The following PLXDC2 variants were observed in gnomAD, a reference collection of about 807,000 sequenced individuals.
The protein encoded by PLXDC2 is plexin domain containing 2.
In PLXDC2, 40 loss-of-function variants were observed where a neutral mutation model predicts 68.9. The observed-to-expected ratio is 0.58, with a 90% CI of 0.45 to 0.76. The LOEUF is 0.76. PLXDC2 is among the 30% of genes least tolerant of loss of function. The pLI is 0.00. For missense variants in PLXDC2, 644 were observed against 661.9 expected, an observed-to-expected ratio of 0.97 and a Z score of 0.30; for synonymous variants, 243 against 234.2, an observed-to-expected ratio of 1.04 and a Z score of -0.34.
chr10:20,076,525 G>A (rs1836454576), intron 4 of PLXDC2, among the ~76,000 whole-genome samples: 1 of 152,160 alleles, frequency 6.6e-6, no homozygotes, highest in East Asian at 1.9e-4. Context: ...ATGCTACATA[G>A]ATAGCATATG....
intron 13 of PLXDC2, 67 bp downstream of exon 13, chr10:20,245,572 C>T: frequency 6.7e-7 from 1 of 1,483,722 alleles, no homozygotes; most frequent in Non-Finnish European, 9.1e-7. Flanking sequence ...GCTAACACCA[C>T]CTGGATTTAA....
At chr10:19,988,059 A>C (rs112852013) in intron 1 of PLXDC2, among the ~76,000 whole-genome samples, 3,833 of 152,238 alleles carry the variant, frequency 0.025, 155 homozygotes, top group African/African-American at 0.086. Flanking sequence ...TTAGTCATGA[A>C]TAAATGTAAT....
At chr10:20,262,277 C>T (rs115665591) in intron 13 of PLXDC2, among the ~76,000 whole-genome samples, 10 of 152,194 alleles carry the variant, frequency 6.6e-5, no homozygotes, top group Non-Finnish European at 1.0e-4. Flanking sequence ...TAAGGAGTCT[C>T]GTTGCTTATT....
At chr10:20,174,018 C>A (rs776472989) in intron 7 of PLXDC2, among the ~76,000 whole-genome samples, 1 of 152,136 alleles carries the variant, frequency 6.6e-6, no homozygotes, top group African/African-American at 2.4e-5. Flanking sequence ...TTACTCCATA[C>A]GCACGATCAA....
chr10:20,170,443 G>C (rs1430523570), intron 7 of PLXDC2, among the ~76,000 whole-genome samples: 1 of 152,204 alleles, frequency 6.6e-6, no homozygotes, highest in African/African-American at 2.4e-5. Context: ...TCCTGCTTCA[G>C]CCTCCCATAG....
At chr10:20,202,284 G>T (rs1020735761) in intron 9 of PLXDC2, among the ~76,000 whole-genome samples, 4 of 152,120 alleles carry the variant, frequency 2.6e-5, no homozygotes, top group African/African-American at 7.2e-5. Flanking sequence ...AAATATACTT[G>T]CTACTATGGT....
At chr10:19,935,659 A>G (rs1315321277) in intron 1 of PLXDC2, among the ~76,000 whole-genome samples, 1 of 152,238 alleles carries the variant, frequency 6.6e-6, no homozygotes, top group East Asian at 1.9e-4. Context: ...ACACTGATGC[A>G]TTGACCTGCC....
chr10:20,225,886 A>G (rs1157944532), intron 12 of PLXDC2, among the ~76,000 whole-genome samples: 1 of 152,220 alleles, frequency 6.6e-6, no homozygotes, highest in Non-Finnish European at 1.5e-5. Context: ...ATAAATATTA[A>G]GAACCCTCAG....
intron 13 of PLXDC2, among the ~76,000 whole-genome samples, chr10:20,267,432 C>T (rs1391701611): frequency 1.3e-5 from 2 of 152,036 alleles, no homozygotes; most frequent in Non-Finnish European, 2.9e-5. Flanking sequence ...GAAGATAGCA[C>T]CAAGAAGGCA....
At chr10:19,948,650 C>T (rs1431304561) in intron 1 of PLXDC2, among the ~76,000 whole-genome samples, 1 of 151,884 alleles carries the variant, frequency 6.6e-6, no homozygotes, top group East Asian at 1.9e-4. Context: ...TAATGTGATT[C>T]CAGTTTTGTC....
chr10:20,174,806 A>G (rs952622619), intron 7 of PLXDC2, among the ~76,000 whole-genome samples: 1 of 152,084 alleles, frequency 6.6e-6, no homozygotes, highest in Non-Finnish European at 1.5e-5. Flanking sequence ...AAAAAAAGAT[A>G]TGAGTAGAGG....
intron 4 of PLXDC2, among the ~76,000 whole-genome samples, chr10:20,106,910 TA>T (rs1353105307): frequency 1.3e-5 from 2 of 151,624 alleles, no homozygotes; most frequent in East Asian, 1.9e-4. Context: ...ACATGTAGTA[TA>T]AAGGATAAAG....
intron 9 of PLXDC2, among the ~76,000 whole-genome samples, chr10:20,185,003 T>C (rs1008337664): frequency 4.0e-5 from 6 of 151,266 alleles, no homozygotes; most frequent in Non-Finnish European, 5.9e-5. Flanking sequence ...CGTCAGGGGA[T>C]GGGAGGCAAG....
intron 1 of PLXDC2, among the ~76,000 whole-genome samples, chr10:19,969,404 C>A (rs1311830726): frequency 3.3e-5 from 5 of 152,178 alleles, no homozygotes; most frequent in African/African-American, 1.2e-4. Flanking sequence ...GATATTCCAC[C>A]AACCTCCCCC....
chr10:19,852,536 C>T (rs1837141207), intron 1 of PLXDC2, among the ~76,000 whole-genome samples: 1 of 142,488 alleles, frequency 7.0e-6, no homozygotes, highest in Non-Finnish European at 1.5e-5. Context: ...GATTTCAAAT[C>T]ACTGAAAAAT....
intron 6 of PLXDC2, among the ~76,000 whole-genome samples, chr10:20,149,695 G>A (rs1834127373): frequency 6.6e-6 from 1 of 152,042 alleles, no homozygotes; most frequent in African/African-American, 2.4e-5. Flanking sequence ...TCCTGCATTA[G>A]TTTGCTAAGG....
chr10:20,089,726 A>G (rs1390963932), intron 4 of PLXDC2, among the ~76,000 whole-genome samples: 2 of 152,174 alleles, frequency 1.3e-5, no homozygotes, highest in African/African-American at 4.8e-5. Flanking sequence ...AAAGACTACA[A>G]AGGAAGCATT....
intron 1 of PLXDC2, among the ~76,000 whole-genome samples, chr10:19,878,634 A>G (rs1477570471): frequency 2.0e-5 from 3 of 152,210 alleles, no homozygotes; most frequent in African/African-American, 7.2e-5. Context: ...TCAATAAGCT[A>G]TCCTTACCCC....
chr10:19,830,749 T>TTC (rs1836673637), intron 1 of PLXDC2, among the ~76,000 whole-genome samples: 1 of 151,846 alleles, frequency 6.6e-6, no homozygotes. Context: ...GGTTTTTTTT[T>TTC]TTCCTGGGAG....
Sources: gnomAD v4.1 joint callset for allele counts (sites outside exome capture counted in the v4.1 genomes callset) on GRCh38, gnomAD v4.1.1 for gene constraint, MANE v1.5 for transcripts, NCBI Gene and HGNC (gene_info 2026-07-23, HGNC 2026-07-21) for gene names.